The following CSMD1 variants were observed in gnomAD, a reference collection of about 807,000 sequenced individuals.
CSMD1 encodes CUB and sushi domain-containing protein 1.
In CSMD1, 213 loss-of-function variants were observed where a neutral mutation model predicts 417.5. The ratio of observed to expected loss-of-function variants is 0.51; its 90% CI spans 0.46 to 0.57. The LOEUF is 0.57. CSMD1 is among the 20% of genes least tolerant of loss of function. CSMD1 has a pLI of 0.00. For synonymous variants in CSMD1, 2,862 were observed against 1,736.8 expected, an observed-to-expected ratio of 1.65 and a Z score of -16.11; for missense variants, 6,923 against 4,529.7, an observed-to-expected ratio of 1.53 and a Z score of -15.17.
chr8:4,437,872 GT>G (rs1798236955), intron 2 of CSMD1, among the ~76,000 whole-genome samples: 1 of 152,166 alleles, frequency 6.6e-6, no homozygotes, highest in Non-Finnish European at 1.5e-5. Context: ...CCTCACTGGT[GT>G]AGAATTCAAG....
At chr8:4,715,296 T>G (rs1380233821) in intron 1 of CSMD1, among the ~76,000 whole-genome samples, 1 of 152,234 alleles carries the variant, frequency 6.6e-6, no homozygotes, top group East Asian at 1.9e-4. Flanking sequence ...TAAAGCTAAT[T>G]TGACATGATT....
At chr8:4,653,870 T>A (rs1804061820) in intron 1 of CSMD1, among the ~76,000 whole-genome samples, 1 of 152,156 alleles carries the variant, frequency 6.6e-6, no homozygotes, top group Non-Finnish European at 1.5e-5. Flanking sequence ...GCATTTTTCA[T>A]AACGTTATTC....
At chr8:4,725,844 G>A (rs1426473629) in intron 1 of CSMD1, among the ~76,000 whole-genome samples, 2 of 152,096 alleles carry the variant, frequency 1.3e-5, no homozygotes, top group Non-Finnish European at 2.9e-5. Context: ...GTGGCTAAAG[G>A]AGTTTTGAGA....
rs544031806 is a variant in CSMD1, at chr8:4,496,549, T to G, written c.303-76484A>C. Among the ~76,000 whole-genome samples the G allele has an allele frequency of 2.0e-5, 3 of 152,308 alleles. No homozygotes were observed. In the East Asian group the frequency reaches 5.8e-4, roughly 29 times the overall value. ...TTAACACGGCTGAATGACCTCTGTTTTGAACTTCGCCTCGCCTCCTGCCTT... is the reference window on the plus strand; with the variant it reads ...TTAACACGGCTGAATGACCTCTGTTGTGAACTTCGCCTCGCCTCCTGCCTT... On this transcript the variant is annotated intron_variant, in intron 2 of 69. Coordinates refer to ENST00000635120, the MANE Select transcript of CSMD1 (RefSeq NM_033225.6).
intron 46 of CSMD1, 25 bp downstream of exon 46, chr8:3,106,503 A>AGT: frequency 7.2e-7 from 1 of 1,393,478 alleles, no homozygotes; most frequent in Non-Finnish European, 1.0e-6. Flanking sequence ...AAGTTTATGT[A>AGT]GTTTTAGTAT....
At position 3,343,376 on chromosome 8, in the gene CSMD1, T is replaced by C. The variant is rs564454312; in HGVS notation, c.3549A>G (p.Leu1183=). Residue 1183 remains leucine (L), a synonymous_variant, in exon 23 of 70, where the codon CTA becomes CTG. Transcript: ENST00000635120. ...GCCACAGGTGATTGGATGTGCTGTT[T>C]AGGATCAGCCCCAGAAGTTCATTTT... The part of the protein sequence containing the change: ...FTKNELLGLI[L]NSTSNHLWLE... 1.9e-6 allele frequency: 3 copies of C among 1,613,722 alleles called. No individual in the cohort carries two copies. Among genetic ancestry groups the C allele is most frequent in the Non-Finnish European group, 2.5e-6 (3 of 1,179,760 alleles).
intron 25 of CSMD1, among the ~76,000 whole-genome samples, chr8:3,297,878 G>A (rs550050778): frequency 2.6e-5 from 4 of 152,060 alleles, no homozygotes; most frequent in South Asian, 4.2e-4. Context: ...ATGACTCATT[G>A]GAATTAAAAA....
intron 2 of CSMD1, among the ~76,000 whole-genome samples, chr8:4,545,052 G>C (rs180768063): frequency 6.6e-6 from 1 of 152,268 alleles, no homozygotes; most frequent in Non-Finnish European, 1.5e-5. Context: ...AACAATATAC[G>C]TGTGTGTGCA....
At chr8:4,071,432 C>A (rs1266529809) in intron 3 of CSMD1, among the ~76,000 whole-genome samples, 1 of 152,102 alleles carries the variant, frequency 6.6e-6, no homozygotes, top group South Asian at 2.1e-4. Context: ...TTTAATTATT[C>A]ATTTGATTTT....
At chr8:3,018,057 C>T (rs17079075) in intron 52 of CSMD1, among the ~76,000 whole-genome samples, 2,962 of 152,198 alleles carry the variant, frequency 0.019, 87 homozygotes, top group African/African-American at 0.066. Context: ...AAGAAGACTA[C>T]ATTATTGTAG....
rs117939542 is a variant in CSMD1 at position 3,763,073 on chromosome 8, C to G, written c.819-9031G>C. Among the ~76,000 whole-genome samples, 1,013 of 152,256 alleles carry G rather than the reference C, an allele frequency of 6.7e-3. 5 individuals carry two copies. Among genetic ancestry groups the G allele is most frequent in the Non-Finnish European group, 0.012 (790 of 68,028 alleles). On this transcript the variant is annotated intron_variant, in intron 5 of 69. Transcript: ENST00000635120. ...TTGCGAGATTGAAGCCTGTCCTATT[C>G]TCACGGTCTCTCTGGCACGTAACAG... is the stretch of plus-strand genomic sequence containing the variant.
intron 3 of CSMD1, among the ~76,000 whole-genome samples, chr8:4,244,187 T>G (rs934056030): frequency 1.3e-5 from 2 of 152,168 alleles, no homozygotes; most frequent in African/African-American, 4.8e-5. Flanking sequence ...TAGAACCGTT[T>G]AGGCTTAGCT....
intron 7 of CSMD1, among the ~76,000 whole-genome samples, chr8:3,618,216 G>C (rs1181792002): frequency 1.3e-5 from 2 of 152,084 alleles, no homozygotes; most frequent in South Asian, 4.1e-4. Context: ...ATGTTTCCCA[G>C]ACTGGTCTCA....
Position 4,071,322 on chromosome 8 carries a change from C to T in CSMD1, c.416-39223G>A, listed in dbSNP as rs1166019534. ...TATATTCTACTGATTAGATAATTTCCATTGGACTAACATCATCAAGCTCCC... is the reference window on the plus strand; with the variant it reads ...TATATTCTACTGATTAGATAATTTCTATTGGACTAACATCATCAAGCTCCC... On this transcript the variant is annotated intron_variant, in intron 3 of 69. Transcript: ENST00000635120. 3.9e-5 allele frequency among the ~76,000 whole-genome samples: 6 copies of T among 151,974 alleles called. No homozygotes were observed. In the East Asian group the frequency reaches 5.8e-4, roughly 15 times the overall value.
At chr8:4,309,292 A>C (rs959918643) in intron 3 of CSMD1, among the ~76,000 whole-genome samples, 1 of 152,112 alleles carries the variant, frequency 6.6e-6, no homozygotes, top group African/African-American at 2.4e-5. Context: ...GATACAATAT[A>C]ATTGCACTGT....
intron 3 of CSMD1, among the ~76,000 whole-genome samples, chr8:4,069,131 A>G (rs1799411943): frequency 6.6e-6 from 1 of 152,200 alleles, no homozygotes; most frequent in Non-Finnish European, 1.5e-5. Flanking sequence ...AAATACTACA[A>G]TATTGTTCAT....
intron 3 of CSMD1, among the ~76,000 whole-genome samples, chr8:4,048,303 T>G (rs930691940): frequency 2.0e-5 from 3 of 152,184 alleles, no homozygotes; most frequent in African/African-American, 7.2e-5. Context: ...ATTGAGCTGG[T>G]TACACAAAGA....
chr8:3,970,428 A>G (rs1314682912), intron 5 of CSMD1, among the ~76,000 whole-genome samples: 3 of 152,140 alleles, frequency 2.0e-5, no homozygotes, highest in Admixed American at 2.0e-4. Context: ...GGATTTTATT[A>G]CCCCAGGACA....
At chr8:4,189,291 G>C (rs980950106) in intron 3 of CSMD1, among the ~76,000 whole-genome samples, 7 of 152,084 alleles carry the variant, frequency 4.6e-5, no homozygotes, top group Admixed American at 2.6e-4. Flanking sequence ...CTTTACTCAA[G>C]AAAACATGTT....
Sources: allele counts gnomAD v4.1 joint callset (sites outside exome capture counted in the v4.1 genomes callset), GRCh38; gene constraint gnomAD v4.1.1; transcripts MANE v1.5; gene names NCBI Gene and HGNC (gene_info 2026-07-23, HGNC 2026-07-21).